Variants in PCDHGA4 observed in about 807,000 individuals in gnomAD.
PCDHGA4 encodes protocadherin gamma subfamily A, 4.
In PCDHGA4, 38 loss-of-function variants were observed where a neutral mutation model predicts 54.6. The observed-to-expected ratio is 0.70, with a 90% confidence interval of 0.54 to 0.91. PCDHGA4 has a LOEUF of 0.91. Among genes scored for constraint, PCDHGA4 ranks in the 40% least tolerant of loss-of-function variants. The probability of loss-of-function intolerance (pLI) is 0.00; values close to 1 mark genes in which losing one functional copy is unlikely to be tolerated. For synonymous variants in PCDHGA4, 511 were observed against 512.9 expected (o/e 1.00, Z 0.05); for missense variants, 1,298 against 1,220.9 (o/e 1.06, Z -0.94).
chr5:141,432,093 C>A lies in PCDHGA4; in HGVS notation c.2515-62714C>A. The A allele has an allele frequency of 1.2e-6, 2 of 1,614,170 alleles. No homozygotes were observed. Among genetic ancestry groups the A allele is most frequent in the Non-Finnish European group, 1.7e-6 (2 of 1,180,046 alleles). On this transcript the variant is annotated intron_variant, in intron 1 of 3. Coordinates refer to ENST00000571252, the MANE Select transcript of PCDHGA4 (RefSeq NM_018917.4). The surrounding 1 kb of genome is among the most constrained non-coding windows in gnomAD (Gnocchi z 6.0). ...CATATCTCGCTGAACGTGGCAGACA[C>A]CAACGACAACCCGCCGGTCTTCCCT...
At chr5:141,456,312 G>A (rs1036961015) in intron 1 of PCDHGA4, among the ~76,000 whole-genome samples, 2 of 152,126 alleles carry the variant, frequency 1.3e-5, no homozygotes, top group African/African-American at 4.8e-5. Flanking sequence ...AGCAGCTAGG[G>A]CTCCTCCTGG....
At chr5:141,394,667 G>T in intron 1 of PCDHGA4, 2 of 1,613,252 alleles carry the variant, frequency 1.2e-6, no homozygotes, top group East Asian at 2.2e-5. Flanking sequence ...GACTCTTCTC[G>T]GTGGGTCTGC....
chr5:141,415,080 C>T (rs1426953509), intron 1 of PCDHGA4: 1 of 1,613,526 alleles, frequency 6.2e-7, no homozygotes, highest in African/African-American at 1.3e-5. Context: ...CGGCGCGAGC[C>T]CTGCTGGACA....
chr5:141,409,041 A>G lies in PCDHGA4; in HGVS notation c.2514+51420A>G, dbSNP rs981171621. On this transcript the variant is annotated intron_variant, in intron 1 of 3. Coordinates refer to ENST00000571252, the MANE Select transcript of PCDHGA4 (RefSeq NM_018917.4). ...GGGGTCAATGCTGAGATAAACTACT[A>G]CTTCCGAAGCACTGCCCAGAGCACA... The G allele has an allele frequency of 8.7e-6, 14 of 1,613,864 alleles. No homozygotes were observed. Among genetic ancestry groups the G allele is most frequent in the Non-Finnish European group, 7.6e-6 (9 of 1,179,894 alleles).
At chr5:141,424,491 G>T (rs2096824224) in intron 1 of PCDHGA4, 1 of 152,122 alleles carries the variant, frequency 6.6e-6, no homozygotes, top group South Asian at 2.1e-4. Context: ...GTCTGTGTTT[G>T]TATGTATGGA....
intron 1 of PCDHGA4, chr5:141,420,445 T>C: frequency 9.6e-7 from 1 of 1,044,750 alleles, no homozygotes; most frequent in Non-Finnish European, 1.3e-6. Context: ...AATGCCTCAG[T>C]CTTCCTACTA....
At chr5:141,497,079 C>T (rs564690352) in intron 2 of PCDHGA4, among the ~76,000 whole-genome samples, 2 of 151,982 alleles carry the variant, frequency 1.3e-5, no homozygotes, top group African/African-American at 4.8e-5. Flanking sequence ...ATCCCAGCGA[C>T]TTAGGAGGCT....
At position 141,410,559 on chromosome 5, in the gene PCDHGA4, G is replaced by A. The variant is rs1239897819; in HGVS notation, c.2514+52938G>A. 9.9e-6 allele frequency: 16 copies of A among 1,612,722 alleles called. No individual in the cohort carries two copies. Among genetic ancestry groups the A allele is most frequent in the African/African-American group, 5.3e-5 (4 of 74,894 alleles). On this transcript the variant is annotated intron_variant, in intron 1 of 3. Transcript: ENST00000571252. ...GACATGGTTTGCAGTGTTTCTCCTG[G>A]AGCCTTAATTCCACCTCATGGTGGG...
Position 141,405,054 on chromosome 5 carries a change from C to G in PCDHGA4, c.2514+47433C>G, listed in dbSNP as rs773491411. ...CTCGTTGTGGCTGTGGCAGTCGTCT[C>G]CTGTGTCTTCCTCACCTTCGTTATC... On this transcript the variant is annotated intron_variant, in intron 1 of 3. Transcript: ENST00000571252. The G allele has an allele frequency of 2.3e-5, 37 of 1,613,806 alleles. 1 individual carries two copies. The South Asian group carries it at 4.1e-4, about 18-fold the overall frequency.
intron 1 of PCDHGA4, chr5:141,370,646 A>G: frequency 1.2e-6 from 2 of 1,613,916 alleles, no homozygotes; most frequent in Non-Finnish European, 1.7e-6. Context: ...ATGGGAACTT[A>G]CTTGTGAGCG....
intron 3 of PCDHGA4, among the ~76,000 whole-genome samples, chr5:141,506,444 C>CAA (rs1219684339): frequency 1.2e-3 from 116 of 94,976 alleles, no homozygotes; most frequent in African/African-American, 4.2e-3. Flanking sequence ...CGCTCTGTCT[C>CAA]AAAAAAAAAA....
intron 1 of PCDHGA4, among the ~76,000 whole-genome samples, chr5:141,438,039 C>T (rs1373700448): frequency 6.6e-6 from 1 of 152,024 alleles, no homozygotes; most frequent in Non-Finnish European, 1.5e-5. Flanking sequence ...CCATGCCCGA[C>T]CACTTTGAGT....
At chr5:141,379,424 G>T (rs1775590923) in intron 1 of PCDHGA4, 1 of 152,218 alleles carries the variant, frequency 6.6e-6, no homozygotes, top group East Asian at 1.9e-4. Flanking sequence ...TCATGAGTTA[G>T]ATGGGCTGTT....
chr5:141,460,669 TTATATATC>T (rs1176483278), intron 1 of PCDHGA4, among the ~76,000 whole-genome samples: 1 of 152,032 alleles, frequency 6.6e-6, no homozygotes, highest in African/African-American at 2.4e-5. Flanking sequence ...GTAAACACAG[TTATATATC>T]TATATATCCA....
chr5:141,467,769 G>A (rs573567102), intron 1 of PCDHGA4, among the ~76,000 whole-genome samples: 9 of 151,590 alleles, frequency 5.9e-5, no homozygotes, highest in East Asian at 3.9e-4. Flanking sequence ...TCAAGTGCCC[G>A]CACCTCAGCC....
In PCDHGA4 at chr5:141,489,958, C is replaced by T; in HGVS notation, c.2515-4849C>T. 1 of 1,614,202 alleles carries T rather than the reference C, an allele frequency of 6.2e-7. No individual in the cohort carries two copies. The highest frequency in any genetic ancestry group is 8.5e-7 in the Non-Finnish European group (1 of 1,180,016). On this transcript the variant is annotated intron_variant, in intron 1 of 3. Transcript: ENST00000571252. This position sits in a 1 kb window ranked among gnomAD's most constrained non-coding sequence, Gnocchi z 4.5. ...CGTGCTGGACATCAATGATAATGCT[C>T]CAACCTTCCAATCCTCAGTTCTACG... is the stretch of plus-strand genomic sequence containing the variant.
At chr5:141,368,863 T>C (rs1765900846) in intron 1 of PCDHGA4, among the ~76,000 whole-genome samples, 1 of 152,218 alleles carries the variant, frequency 6.6e-6, no homozygotes, top group African/African-American at 2.4e-5. Context: ...TTGGAATGTT[T>C]TGGAGCAAAG....
chr5:141,491,479 C>T lies in PCDHGA4; in HGVS notation c.2515-3328C>T. On this transcript the variant is annotated intron_variant, in intron 1 of 3. Transcript: ENST00000571252. The surrounding 1 kb of genome is among the most constrained non-coding windows in gnomAD (Gnocchi z 6.9). ...CCCGGACTTCTATAAGCAGTCCAGCCCCAACCTGCAGGTGAGCTCGGACGG... is the reference window on the plus strand; with the variant it reads ...CCCGGACTTCTATAAGCAGTCCAGCTCCAACCTGCAGGTGAGCTCGGACGG... 1 of 1,614,144 alleles carries T rather than the reference C, an allele frequency of 6.2e-7. No homozygotes were observed. Among genetic ancestry groups the T allele is most frequent in the Non-Finnish European group, 8.5e-7 (1 of 1,180,024 alleles).
chr5:141,445,433 C>A (rs2098466883), intron 1 of PCDHGA4, among the ~76,000 whole-genome samples: 1 of 152,136 alleles, frequency 6.6e-6, no homozygotes, highest in Non-Finnish European at 1.5e-5. Flanking sequence ...AAGGCACTGA[C>A]CTATGGACTA....
Sources: gnomAD v4.1 joint callset for allele counts (sites outside exome capture counted in the v4.1 genomes callset) on GRCh38, gnomAD v4.1.1 for gene constraint, Gnocchi (gnomAD v3.1) non-coding constraint, MANE v1.5 for transcripts, NCBI Gene and HGNC (gene_info 2026-07-23, HGNC 2026-07-21) for gene names.